Variants in ZFYVE9 observed in about 807,000 individuals in gnomAD.
ZFYVE9 encodes the protein zinc finger FYVE-type containing 9.
A neutral mutation model predicts 126.7 loss-of-function variants in ZFYVE9; 43 were observed. The ratio of observed to expected loss-of-function variants is 0.34; its 90% CI spans 0.27 to 0.44. The LOEUF is 0.44. ZFYVE9 is among the 20% of genes least tolerant of loss of function. ZFYVE9 has a pLI of 1.00. For missense variants in ZFYVE9, 1,476 were observed against 1,697.0 expected (o/e 0.87, Z 2.29); for synonymous variants, 521 against 597.4 (o/e 0.87, Z 1.87).
At chr1:52,294,375 G>A (rs1645953849) in intron 11 of ZFYVE9, among the ~76,000 whole-genome samples, 1 of 152,104 alleles carries the variant, frequency 6.6e-6, no homozygotes, top group Admixed American at 6.5e-5. Context: ...TTGTTAACAG[G>A]ATCAAATGAG....
chr1:52,208,518 T>C (rs1410903941), intron 1 of ZFYVE9, among the ~76,000 whole-genome samples: 1 of 147,724 alleles, frequency 6.8e-6, no homozygotes, highest in Non-Finnish European at 1.5e-5. Context: ...TTTTTTTTTT[T>C]GAGACGGAGT....
intron 4 of ZFYVE9, among the ~76,000 whole-genome samples, chr1:52,256,553 T>G (rs938223536): frequency 6.6e-6 from 1 of 152,124 alleles, no homozygotes; most frequent in African/African-American, 2.4e-5. Flanking sequence ...GATTTGTATA[T>G]TTTTAGTAGA....
At chr1:52,264,372 C>A (rs1241101352) in intron 5 of ZFYVE9, among the ~76,000 whole-genome samples, 1 of 152,024 alleles carries the variant, frequency 6.6e-6, no homozygotes, top group Non-Finnish European at 1.5e-5. Context: ...ATTTTTAAAG[C>A]CCATTTATCT....
At chr1:52,329,913 C>CA (rs556699248) in intron 13 of ZFYVE9, among the ~76,000 whole-genome samples, 13 of 150,748 alleles carry the variant, frequency 8.6e-5, no homozygotes, top group Non-Finnish European at 1.8e-4. Flanking sequence ...AAAAACAAAA[C>CA]AAAAAAAAAT....
chr1:52,313,161 C>T (rs1180906902), intron 13 of ZFYVE9, among the ~76,000 whole-genome samples: 1 of 152,176 alleles, frequency 6.6e-6, no homozygotes, highest in Non-Finnish European at 1.5e-5. Flanking sequence ...GGACTTCTAG[C>T]CTCCAGAAAT....
At chr1:52,323,926 G>A (rs1646265795) in intron 13 of ZFYVE9, among the ~76,000 whole-genome samples, 1 of 151,320 alleles carries the variant, frequency 6.6e-6, no homozygotes, top group East Asian at 1.9e-4. Flanking sequence ...AGGCGTGATG[G>A]CGCATGCCTG....
At chr1:52,178,743 C>T (rs879582796) in intron 1 of ZFYVE9, among the ~76,000 whole-genome samples, 6 of 152,060 alleles carry the variant, frequency 3.9e-5, no homozygotes, top group Admixed American at 6.5e-5. Context: ...AAAACAAAGC[C>T]AGAGACAATA....
chr1:52,324,874 C>T (rs1340043259), intron 13 of ZFYVE9, among the ~76,000 whole-genome samples: 1 of 152,188 alleles, frequency 6.6e-6, no homozygotes, highest in Non-Finnish European at 1.5e-5. Flanking sequence ...GTGGCTCACG[C>T]CTGTCGTTCC....
chr1:52,284,554 G>A (rs929834979), intron 10 of ZFYVE9, among the ~76,000 whole-genome samples: 1 of 151,892 alleles, frequency 6.6e-6, no homozygotes, highest in Non-Finnish European at 1.5e-5. Flanking sequence ...CAAGTAGCTG[G>A]GACTACAGGC....
intron 1 of ZFYVE9, among the ~76,000 whole-genome samples, chr1:52,169,441 T>C (rs1644544066): frequency 6.6e-6 from 1 of 151,904 alleles, no homozygotes; most frequent in African/African-American, 2.4e-5. Context: ...TTTTCCTCTC[T>C]CTTTATTTTT....
chr1:52,175,792 C>T (rs919185995), intron 1 of ZFYVE9, among the ~76,000 whole-genome samples: 10 of 152,322 alleles, frequency 6.6e-5, no homozygotes, highest in African/African-American at 1.2e-4. Flanking sequence ...TCCAGTTGAT[C>T]GCATCGGCTC....
chr1:52,146,526 A>C (rs986451452), intron 1 of ZFYVE9, among the ~76,000 whole-genome samples: 4 of 152,058 alleles, frequency 2.6e-5, no homozygotes, highest in African/African-American at 4.8e-5. Context: ...TTAAGTCTCA[A>C]TTTTCTTTTC....
At chr1:52,244,540 G>C (rs1008064677) in intron 4 of ZFYVE9, among the ~76,000 whole-genome samples, 1 of 152,200 alleles carries the variant, frequency 6.6e-6, no homozygotes, top group Non-Finnish European at 1.5e-5. Flanking sequence ...GGGTGAAATA[G>C]GGATAGATGA....
At chr1:52,169,767 G>A (rs1644546860) in intron 1 of ZFYVE9, among the ~76,000 whole-genome samples, 1 of 152,194 alleles carries the variant, frequency 6.6e-6, no homozygotes, top group South Asian at 2.1e-4. Flanking sequence ...ATTATGTGGA[G>A]ATTTTTATTG....
intron 6 of ZFYVE9, 72 bp from the exon 7 acceptor site, chr1:52,268,391 C>G: frequency 2.0e-6 from 3 of 1,494,936 alleles, no homozygotes; most frequent in Middle Eastern, 2.1e-4. Flanking sequence ...AATTGGTGAC[C>G]TTCTCTTCTT....
chr1:52,168,293 T>C (rs980472303), intron 1 of ZFYVE9, among the ~76,000 whole-genome samples: 7 of 147,242 alleles, frequency 4.8e-5, no homozygotes, highest in African/African-American at 1.8e-4. Flanking sequence ...CTCAGCTTAC[T>C]GCAACCTCTG....
intron 1 of ZFYVE9, among the ~76,000 whole-genome samples, chr1:52,154,119 T>C (rs1238800561): frequency 6.6e-6 from 1 of 152,234 alleles, no homozygotes; most frequent in East Asian, 1.9e-4. Context: ...TTCCCTTGGC[T>C]GGATTCCATG....
At chr1:52,304,235 C>A (rs1646060873) in intron 13 of ZFYVE9, among the ~76,000 whole-genome samples, 1 of 151,834 alleles carries the variant, frequency 6.6e-6, no homozygotes, top group African/African-American at 2.4e-5. Context: ...TTTAAAATGT[C>A]CCCACTCCTA....
intron 7 of ZFYVE9, among the ~76,000 whole-genome samples, chr1:52,272,673 C>CTTATTTTTTTTTTTTTTTTTTTTT (rs1645704890): frequency 8.2e-6 from 1 of 121,286 alleles, no homozygotes; most frequent in African/African-American, 3.4e-5. Context: ...TAGAAATAAT[C>CTTATTTTTTTTTTTTTTTTTTTTT]TTTTTTTTTT....
Sources: allele counts gnomAD v4.1 joint callset (sites outside exome capture counted in the v4.1 genomes callset), GRCh38; gene constraint gnomAD v4.1.1; transcripts MANE v1.5; gene names NCBI Gene and HGNC (gene_info 2026-07-23, HGNC 2026-07-21).